Variants in KIFAP3 observed in about 807,000 individuals in gnomAD.
The protein encoded by KIFAP3 is kinesin associated protein 3.
KIFAP3 carries 68 observed loss-of-function variants against 106.5 expected under a neutral mutation model. The ratio of observed to expected loss-of-function variants is 0.64; its 90% confidence interval spans 0.53 to 0.78. KIFAP3 has a LOEUF of 0.78. Ranked by LOEUF, KIFAP3 falls within the 30% of genes least tolerant of loss-of-function variation. KIFAP3 has a pLI of 0.00. For missense variants in KIFAP3, 780 were observed against 941.8 expected (o/e 0.83, Z 2.25); for synonymous variants, 320 against 311.5 (o/e 1.03, Z -0.29).
intron 1 of KIFAP3, among the ~76,000 whole-genome samples, chr1:170,062,335 T>A (rs1176424586): frequency 6.6e-6 from 1 of 151,884 alleles, no homozygotes; most frequent in African/African-American, 2.4e-5. Flanking sequence ...ATTCATCCTA[T>A]TAACACTGCT....
At position 169,982,821 on chromosome 1, in the gene KIFAP3, T is replaced by C. The variant is rs1313041984; in HGVS notation, c.1553A>G (p.Glu518Gly). 1 of 1,604,882 alleles carries C rather than the reference T, an allele frequency of 6.2e-7. No individual in the cohort carries two copies. The highest frequency in any genetic ancestry group is 1.3e-5 in the African/African-American group (1 of 74,576). Residue 518 changes from glutamate (E) to glycine (G), a missense_variant, in exon 14 of 20, where the codon GAG (glutamate) becomes GGG (glycine). Coordinates refer to ENST00000361580, the MANE Select transcript of KIFAP3 (RefSeq NM_014970.4). ...LAAQISNDEEEEFVIECLGTL... is the reference protein window; with the variant it reads ...LAAQISNDEEGEFVIECLGTL... ...TCCCAAACATTCAATCACAAACTCC[T>C]CTTCTTCATCATTAGAGATCTGGGC...
intron 12 of KIFAP3, 123 bp from the exon 13 acceptor site, chr1:169,983,505 T>C: frequency 1.5e-6 from 1 of 661,696 alleles, no homozygotes; most frequent in South Asian, 1.8e-5. Context: ...AAGGGTACAA[T>C]TTGATTAATT....
upstream of KIFAP3, among the ~76,000 whole-genome samples, chr1:170,078,073 G>A (rs1286504718): frequency 1.3e-5 from 2 of 152,026 alleles, no homozygotes; most frequent in Non-Finnish European, 2.9e-5. Context: ...CTAAGAATAG[G>A]TTTACTTAGT....
At chr1:170,063,364 T>G (rs1258540207) in intron 1 of KIFAP3, among the ~76,000 whole-genome samples, 2 of 152,164 alleles carry the variant, frequency 1.3e-5, no homozygotes, top group Non-Finnish European at 2.9e-5. Flanking sequence ...CTGAACTAAT[T>G]CAACTGGTTC....
At chr1:169,925,403 T>G (rs144857873) in intron 19 of KIFAP3, among the ~76,000 whole-genome samples, 455 of 152,092 alleles carry the variant, frequency 3.0e-3, no homozygotes, top group Non-Finnish European at 5.6e-3. Flanking sequence ...CAATTATTTC[T>G]GGGTACCTAG....
At chr1:170,049,689 G>C (rs1670472100) in intron 2 of KIFAP3, among the ~76,000 whole-genome samples, 1 of 152,178 alleles carries the variant, frequency 6.6e-6, no homozygotes, top group Admixed American at 6.5e-5. Flanking sequence ...TAATACCCAG[G>C]AGGACGGGGT....
intron 18 of KIFAP3, among the ~76,000 whole-genome samples, chr1:169,956,964 T>A (rs1381870894): frequency 1.3e-5 from 2 of 152,210 alleles, no homozygotes; most frequent in Non-Finnish European, 2.9e-5. Flanking sequence ...GTGCCCTTTA[T>A]GGCTTGACAA....
At chr1:169,934,722 C>A (rs1446593853) in intron 19 of KIFAP3, among the ~76,000 whole-genome samples, 1 of 152,098 alleles carries the variant, frequency 6.6e-6, no homozygotes, top group African/African-American at 2.4e-5. Flanking sequence ...ATGCACCATA[C>A]ATTTTTGAGA....
intron 5 of KIFAP3, among the ~76,000 whole-genome samples, chr1:170,036,659 ACCATT>A (rs1157505468): frequency 6.6e-6 from 1 of 152,108 alleles, no homozygotes; most frequent in Non-Finnish European, 1.5e-5. Context: ...AAGGTATTTG[ACCATT>A]ATAATCCAGA....
intron 17 of KIFAP3, among the ~76,000 whole-genome samples, chr1:169,963,672 T>G (rs974516309): frequency 3.9e-5 from 6 of 152,084 alleles, no homozygotes; most frequent in African/African-American, 1.4e-4. Context: ...TTTTGTATTT[T>G]TGGTAGAGAT....
intron 9 of KIFAP3, among the ~76,000 whole-genome samples, chr1:170,020,629 T>G (rs376611600): frequency 5.9e-5 from 9 of 152,230 alleles, no homozygotes; most frequent in South Asian, 4.1e-4. Context: ...TTGTATTTTT[T>G]AGTAGAGATG....
chr1:169,956,162 C>A, intron 18 of KIFAP3, among the ~76,000 whole-genome samples: 1 of 151,686 alleles, frequency 6.6e-6, no homozygotes, highest in East Asian at 1.9e-4. Context: ...AAGTAAAATG[C>A]CAAAATAAAA....
At chr1:169,961,271 G>A in intron 17 of KIFAP3, 36 bp from the exon 18 acceptor site, 1 of 1,539,606 alleles carries the variant, frequency 6.5e-7, no homozygotes, top group South Asian at 1.1e-5. Flanking sequence ...TATTATATAA[G>A]CTAACTCACT....
intron 19 of KIFAP3, among the ~76,000 whole-genome samples, chr1:169,945,199 G>T (rs1029327616): frequency 1.3e-5 from 2 of 152,154 alleles, no homozygotes; most frequent in South Asian, 2.1e-4. Flanking sequence ...ACCCAGCCAG[G>T]TCATGACAGT....
upstream of KIFAP3, among the ~76,000 whole-genome samples, chr1:170,076,099 G>A (rs1671899571): frequency 6.6e-6 from 1 of 152,266 alleles, no homozygotes; most frequent in Middle Eastern, 3.4e-3. Context: ...TGGAATGTAA[G>A]TTAGCTCCTT....
intron 16 of KIFAP3, among the ~76,000 whole-genome samples, chr1:169,976,995 G>T (rs1348233096): frequency 6.6e-6 from 1 of 152,096 alleles, no homozygotes; most frequent in Non-Finnish European, 1.5e-5. Flanking sequence ...AAAGTGCTGG[G>T]ATTACAGGCA....
At chr1:170,014,753 TCA>T (rs1668422659) in intron 10 of KIFAP3, among the ~76,000 whole-genome samples, 1 of 152,202 alleles carries the variant, frequency 6.6e-6, no homozygotes, top group South Asian at 2.1e-4. Context: ...GTATTTGTAC[TCA>T]GAGTAACATA....
At chr1:169,968,479 T>C (rs2101881452) in intron 17 of KIFAP3, among the ~76,000 whole-genome samples, 1 of 152,022 alleles carries the variant, frequency 6.6e-6, no homozygotes, top group African/African-American at 2.4e-5. Context: ...GCCCCCTAAT[T>C]GAGACTGTAA....
upstream of KIFAP3, among the ~76,000 whole-genome samples, chr1:170,079,468 T>C (rs961262814): frequency 6.6e-6 from 1 of 152,172 alleles, no homozygotes; most frequent in Non-Finnish European, 1.5e-5. Flanking sequence ...TAAAAAATCA[T>C]ATGGTCATCT....
Sources: gnomAD v4.1 joint callset for allele counts (sites outside exome capture counted in the v4.1 genomes callset) on GRCh38, gnomAD v4.1.1 for gene constraint, MANE v1.5 for transcripts, NCBI Gene and HGNC (gene_info 2026-07-23, HGNC 2026-07-21) for gene names.